RNF41: variants seen among roughly 807,000 people sequenced by gnomAD.
The protein encoded by RNF41 is E3 ubiquitin-protein ligase NRDP1.
Under a neutral mutation model 33.0 loss-of-function variants are expected in RNF41, and 4 were observed. That is an observed-to-expected ratio of 0.12 (90% CI 0.06 to 0.28). The LOEUF is 0.28. Ranked by LOEUF, RNF41 falls within the 10% of genes least tolerant of loss-of-function variation. The pLI, the probability that RNF41 is intolerant of heterozygous loss-of-function variation, is 1.00. For synonymous variants in RNF41, 164 were observed against 153.2 expected (o/e 1.07, Z -0.52); for missense variants, 228 against 432.6 (o/e 0.53, Z 4.19).
chr12:56,205,662 G>C lies in RNF41; in HGVS notation c.*785C>G, dbSNP rs555833437. 58 of 152,620 alleles carry C rather than the reference G, an allele frequency of 3.8e-4. No homozygotes were observed. Among genetic ancestry groups the C allele is most frequent in the African/African-American group, 1.3e-3 (54 of 41,476 alleles). The allele number at this position is 152,620 out of a possible 1,614,324, so 9.5% of individuals were successfully genotyped here. On this transcript the variant is annotated 3_prime_UTR_variant, in exon 7 of 7. Transcript: ENST00000345093. ...AACTAACTACAGTCACAGGGCTAGA[G>C]AGGGGTCTATGGAACAATTATGGCC...
intron 2 of RNF41, among the ~76,000 whole-genome samples, chr12:56,214,784 G>A (rs1868747777): frequency 6.6e-6 from 1 of 151,950 alleles, no homozygotes; most frequent in African/African-American, 2.4e-5. Context: ...AGCCGAGATT[G>A]CACCACAGCT....
chr12:56,210,442 G>A lies in RNF41; in HGVS notation c.217C>T (p.Arg73Trp). 2 of 1,614,174 alleles carry A rather than the reference G, an allele frequency of 1.2e-6. No homozygotes were observed. The highest frequency in any genetic ancestry group is 1.7e-6 in the Non-Finnish European group (2 of 1,180,020). Residue 73 changes from arginine (R) to tryptophan (W), a missense_variant, in exon 4 of 7, where the codon CGG becomes TGG. Coordinates refer to ENST00000345093, the MANE Select transcript of RNF41 (RefSeq NM_005785.4). ...AHLRPVPRIM[R>W]NMLSKLQIAC... is the part of the protein sequence containing the mutation. ...ATCTGCAGCTTTGACAACATGTTCC[G>A]CATGATCCGAGGTACTGGGCGCAGA...
In RNF41 at chr12:56,204,352, A is replaced by G. The variant is rs1203324519; in HGVS notation, c.*2095T>C. ...AGGGTACATGGGAAAGCAGCTGTGA[A>G]GTGCACACTACTCCCAGACATCCTC... is the stretch of plus-strand genomic sequence containing the variant. On this transcript the variant is annotated 3_prime_UTR_variant, in exon 7 of 7. Transcript: ENST00000345093. 1 of 152,240 alleles carries G rather than the reference A, an allele frequency of 6.6e-6. No individual in the cohort carries two copies. Among genetic ancestry groups the G allele is most frequent in the Non-Finnish European group, 1.5e-5 (1 of 68,078 alleles). 9.4% of individuals were successfully genotyped at this position (152,240 alleles called of 1,614,324 possible). A position where few individuals can be genotyped will look rare whatever the true frequency, so the allele number is the denominator to read the frequency against.
rs1868261603 is a variant in RNF41 at position 56,206,138 on chromosome 12, T to C, written c.*309A>G. ...GATCCTCCAGGGAAATTGAATCTCT[T>C]TGTGCTTTCTGAAAATAACTGGAAC... On this transcript the variant is annotated 3_prime_UTR_variant, in exon 7 of 7. Transcript: ENST00000345093. This position sits in a 1 kb window ranked among gnomAD's most constrained non-coding sequence, Gnocchi z 5.7. 9.2e-6 allele frequency: 3 copies of C among 325,300 alleles called. No homozygotes were observed. Among genetic ancestry groups the C allele is most frequent in the South Asian group, 8.9e-5 (2 of 22,590 alleles). 20.2% of individuals were successfully genotyped at this position (325,300 alleles called of 1,614,324 possible). A position where few individuals can be genotyped will look rare whatever the true frequency, so the allele number is the denominator to read the frequency against.
At position 56,207,780 on chromosome 12, in the gene RNF41, G is replaced by C. The variant is rs542817976; in HGVS notation, c.499-31C>G. On this transcript the variant is annotated intron_variant, in intron 5 of 6. Coordinates refer to ENST00000345093, the MANE Select transcript of RNF41 (RefSeq NM_005785.4). ...GTGGGGAAGAAGAACAGGAATAATG[G>C]TTAAGGCAGACAGCAGAAAAAAGAC... 3.9e-6 allele frequency: 6 copies of C among 1,548,760 alleles called. No homozygotes were observed. The Admixed American group carries it at 1.0e-4, about 26-fold the overall frequency.
In RNF41 at chr12:56,214,073, G is replaced by T. The variant is rs761120289; in HGVS notation, c.-23-3C>A. On this transcript the variant is annotated splice_region_variant and splice_polypyrimidine_tract_variant and intron_variant, in intron 2 of 6. Coordinates refer to ENST00000345093, the MANE Select transcript of RNF41 (RefSeq NM_005785.4). ...GTCTCATCACTGAAACCCAGGTCCT[G>T]AAAGGACAACAGGAAAAAGAGGCCA... 8 of 1,538,100 alleles carry T rather than the reference G, an allele frequency of 5.2e-6. No homozygotes were observed. The highest frequency in any genetic ancestry group is 6.3e-6 in the Non-Finnish European group (7 of 1,110,828).
intron 1 of RNF41, among the ~76,000 whole-genome samples, chr12:56,220,225 G>A (rs1213745701): frequency 1.3e-5 from 2 of 151,508 alleles, no homozygotes; most frequent in African/African-American, 2.4e-5. Context: ...TTTGGCGGGG[G>A]GTGTGGGGAG....
In RNF41 at chr12:56,214,333, C is replaced by G. The variant is rs549665291; in HGVS notation, c.-23-263G>C. Among the ~76,000 whole-genome samples the G allele has an allele frequency of 6.6e-5, 10 of 151,448 alleles. No homozygotes were observed. In the South Asian group the frequency reaches 2.1e-3, roughly 32 times the overall value. On this transcript the variant is annotated intron_variant, in intron 2 of 6. Coordinates refer to ENST00000345093, the MANE Select transcript of RNF41 (RefSeq NM_005785.4). ...GTCAGGAGTTCAAGACCAGCCTGGC[C>G]AACATGGTGAAACCCTGTCTCTACT...
chr12:56,208,990 G>A (rs963158425), intron 4 of RNF41, among the ~76,000 whole-genome samples: 26 of 149,730 alleles, frequency 1.7e-4, no homozygotes, highest in African/African-American at 4.4e-4. Context: ...TCAGCCTCCC[G>A]AGTAGCTGGG....
intron 3 of RNF41, among the ~76,000 whole-genome samples, chr12:56,212,604 A>G (rs1431883800): frequency 6.6e-6 from 1 of 151,932 alleles, no homozygotes; most frequent in African/African-American, 2.4e-5. Flanking sequence ...TCTTGACACT[A>G]CTACTTGATG....
At chr12:56,212,293 T>A (rs1361687099) in intron 3 of RNF41, among the ~76,000 whole-genome samples, 1 of 152,208 alleles carries the variant, frequency 6.6e-6, no homozygotes, top group Non-Finnish European at 1.5e-5. Flanking sequence ...CTGTATACCT[T>A]TTGATTTCTG....
intron 3 of RNF41, among the ~76,000 whole-genome samples, chr12:56,212,114 T>C (rs1320063842): frequency 6.6e-6 from 1 of 152,208 alleles, no homozygotes; most frequent in Non-Finnish European, 1.5e-5. Context: ...AACACAGATA[T>C]ATTCATATAT....
At position 56,204,352 on chromosome 12, in the gene RNF41, A is replaced by C. The variant is rs1203324519; in HGVS notation, c.*2095T>G. The C allele has an allele frequency of 6.6e-6, 1 of 152,240 alleles. No individual in the cohort carries two copies. Among genetic ancestry groups the C allele is most frequent in the Non-Finnish European group, 1.5e-5 (1 of 68,078 alleles). The allele number at this position is 152,240 out of a possible 1,614,324, so 9.4% of individuals were successfully genotyped here. ...AGGGTACATGGGAAAGCAGCTGTGA[A>C]GTGCACACTACTCCCAGACATCCTC... On this transcript the variant is annotated 3_prime_UTR_variant, in exon 7 of 7. Transcript: ENST00000345093.
chr12:56,208,884 G>A (rs1167364404), intron 4 of RNF41, among the ~76,000 whole-genome samples: 1 of 102,234 alleles, frequency 9.8e-6, no homozygotes, highest in Non-Finnish European at 2.0e-5. Context: ...TTTTTTTCGA[G>A]ACCAAGTTTC....
chr12:56,220,588 G>T (rs1444928507), intron 1 of RNF41, among the ~76,000 whole-genome samples: 1 of 151,846 alleles, frequency 6.6e-6, no homozygotes, highest in Non-Finnish European at 1.5e-5. Context: ...CAAAAAATTA[G>T]CCAGGCATGG....
intron 4 of RNF41, chr12:56,208,633 C>T (rs1399389949): frequency 6.1e-6 from 1 of 163,590 alleles, no homozygotes; most frequent in African/African-American, 2.4e-5. Flanking sequence ...GGCATGATCT[C>T]AGCTCAGCGC....
intron 4 of RNF41, among the ~76,000 whole-genome samples, chr12:56,208,893 T>G (rs978348881): frequency 1.6e-4 from 23 of 145,786 alleles, no homozygotes; most frequent in Admixed American, 1.2e-3. Context: ...AGACCAAGTT[T>G]CACTCTTGTC....
chr12:56,209,856 G>A (rs137878732), intron 4 of RNF41, among the ~76,000 whole-genome samples: 233 of 152,268 alleles, frequency 1.5e-3, no homozygotes, highest in African/African-American at 4.6e-3. Flanking sequence ...TGCCCACTTC[G>A]GCCTCCCAAA....
intron 1 of RNF41, among the ~76,000 whole-genome samples, chr12:56,218,227 T>C (rs1252030453): frequency 6.6e-6 from 1 of 151,822 alleles, no homozygotes; most frequent in East Asian, 1.9e-4. Flanking sequence ...ATGCTGGGAT[T>C]ACAAGTGTGA....
Sources: allele counts gnomAD v4.1 joint callset (sites outside exome capture counted in the v4.1 genomes callset), GRCh38; gene constraint gnomAD v4.1.1; non-coding constraint Gnocchi (gnomAD v3.1); transcripts MANE v1.5; gene names NCBI Gene and HGNC (gene_info 2026-07-23, HGNC 2026-07-21).